Variants in ZNF16 observed in about 807,000 individuals in gnomAD.
ZNF16 encodes zinc finger protein 16, also known as zinc finger protein KOX9.
In ZNF16, 7 loss-of-function variants were observed where a neutral mutation model predicts 9.0. The ratio of observed to expected loss-of-function variants is 0.78; its 90% CI spans 0.44 to 1.47. The LOEUF is 1.47. ZNF16 is among the 40% of genes most tolerant of loss of function. ZNF16 has a pLI of 0.01. For missense variants in ZNF16, 830 were observed against 854.2 expected, an observed-to-expected ratio of 0.97 and a Z score of 0.35; for synonymous variants, 312 against 301.5, an observed-to-expected ratio of 1.03 and a Z score of -0.36.
At chr8:144,938,529 G>C (rs1833734252) in intron 2 of ZNF16, among the ~76,000 whole-genome samples, 1 of 152,114 alleles carries the variant, frequency 6.6e-6, no homozygotes, top group Non-Finnish European at 1.5e-5. Flanking sequence ...TATTGTATAT[G>C]GAATTCCTTC....
chr8:144,949,310 C>T (rs1305222664), intron 1 of ZNF16, among the ~76,000 whole-genome samples: 1 of 152,244 alleles, frequency 6.6e-6, no homozygotes, highest in Non-Finnish European at 1.5e-5. Flanking sequence ...CCAGGCAGGA[C>T]ATCTGAGGCT....
chr8:144,933,241 C>G lies in ZNF16; in HGVS notation c.197-651G>C, dbSNP rs1833600514. ...TGCATGGAGGCATCATTCAACCACT[C>G]CTGTGCGGCAGGGACCTGTGTGGAA... On this transcript the variant is annotated intron_variant, in intron 2 of 2. Coordinates refer to ENST00000394909, the MANE Select transcript of ZNF16 (RefSeq NM_006958.3). The surrounding 1 kb of genome is among the most constrained non-coding windows in gnomAD (Gnocchi z 5.6). Among the ~76,000 whole-genome samples, 1 of 152,150 alleles carries G rather than the reference C, an allele frequency of 6.6e-6. No homozygotes were observed. Among genetic ancestry groups the G allele is most frequent in the Non-Finnish European group, 1.5e-5 (1 of 68,026 alleles).
chr8:144,940,280 C>T (rs1430582412), intron 2 of ZNF16, among the ~76,000 whole-genome samples: 1 of 152,090 alleles, frequency 6.6e-6, no homozygotes, highest in Non-Finnish European at 1.5e-5. Context: ...GGGTCTCAAC[C>T]ATGTTGCCCA....
In ZNF16 at chr8:144,932,465, C is replaced by G. The variant is rs1310603797; in HGVS notation, c.322G>C (p.Asp108His). The change falls in exon 3 of 3, where the codon GAT becomes CAT. Residue 108 changes from aspartate (D) to histidine (H), a missense_variant. Coordinates refer to ENST00000394909, the MANE Select transcript of ZNF16 (RefSeq NM_006958.3). The surrounding 1 kb of genome is among the most constrained non-coding windows in gnomAD (Gnocchi z 5.0). ...GDVSQVPELG[D>H]LCDDVSERDW... ...CTTTCTGATACATCATCACACAGAT[C>G]TCCAAGCTCGGGTACCTGGGAAACA... 1 of 1,614,232 alleles carries G rather than the reference C, an allele frequency of 6.2e-7. No individual in the cohort carries two copies. The highest frequency in any genetic ancestry group is 2.2e-5 in the East Asian group (1 of 44,880).
rs79623299 is a variant in ZNF16 at position 144,941,459 on chromosome 8, G to T, written c.196+4552C>A. On this transcript the variant is annotated intron_variant, in intron 2 of 2. Coordinates refer to ENST00000394909, the MANE Select transcript of ZNF16 (RefSeq NM_006958.3). ...CTAAAGCCTCTTGTGGCATATAGTT[G>T]GACCATGTTTTCTTACACATTCTGT... Among the ~76,000 whole-genome samples, 102 of 152,106 alleles carry T rather than the reference G, an allele frequency of 6.7e-4. No individual in the cohort carries two copies. The East Asian group carries it at 0.014, about 21-fold the overall frequency.
rs973870952 is a variant in ZNF16, at chr8:144,949,697, G to A, written c.-10+1100C>T. ...CAAAATGTTTACAAGCAGATGCTTG[G>A]TAAAAGTCATCGCCATTCTCCAGTC... On this transcript the variant is annotated intron_variant, in intron 1 of 2. Transcript: ENST00000394909. Among the ~76,000 whole-genome samples the A allele has an allele frequency of 5.3e-5, 8 of 152,206 alleles. No homozygotes were observed. The South Asian group carries it at 6.2e-4, about 12-fold the overall frequency.
At chr8:144,934,509 C>G (rs1424999511) in intron 2 of ZNF16, among the ~76,000 whole-genome samples, 1 of 152,232 alleles carries the variant, frequency 6.6e-6, no homozygotes, top group Non-Finnish European at 1.5e-5. Flanking sequence ...AGCCCTGGCT[C>G]CAGAGGGTGT....
intron 2 of ZNF16, among the ~76,000 whole-genome samples, chr8:144,935,008 CA>C (rs1344549475): frequency 6.6e-6 from 1 of 151,848 alleles, no homozygotes; most frequent in African/African-American, 2.4e-5. Context: ...TAGCCCGAGC[CA>C]CTGTTTAGAT....
At chr8:144,949,246 C>G (rs1834032494) in intron 1 of ZNF16, among the ~76,000 whole-genome samples, 1 of 152,258 alleles carries the variant, frequency 6.6e-6, no homozygotes, top group African/African-American at 2.4e-5. Flanking sequence ...ACTCTCCTCC[C>G]TTCCCAGAGT....
intron 2 of ZNF16, among the ~76,000 whole-genome samples, chr8:144,942,670 G>A (rs1833833676): frequency 6.6e-6 from 1 of 152,286 alleles, no homozygotes; most frequent in South Asian, 2.1e-4. Flanking sequence ...TACCAGTTTA[G>A]TCTCAGTAAC....
At position 144,932,253 on chromosome 8, in the gene ZNF16, C is replaced by T; in HGVS notation, c.534G>A (p.Glu178=). Residue 178 remains glutamate, a synonymous_variant, in exon 3 of 3, where the codon GAG becomes GAA. Transcript: ENST00000394909. The surrounding 1 kb of genome is among the most constrained non-coding windows in gnomAD (Gnocchi z 5.0). ...CACCCATGTCATATGGATGTGGCCT[C>T]TCTTCTGTAGGGATTTCCTGACATG... is the stretch of plus-strand genomic sequence containing the variant. ...LMACQEIPTE[E]RPHPYDMGGQ... The T allele has an allele frequency of 6.2e-7, 1 of 1,614,180 alleles. No homozygotes were observed.
At position 144,931,557 on chromosome 8, in the gene ZNF16, A is replaced by G; in HGVS notation, c.1230T>C (p.Cys410=). 1 of 1,614,032 alleles carries G rather than the reference A, an allele frequency of 6.2e-7. No homozygotes were observed. The change falls in exon 3 of 3, where the codon TGT becomes TGC. Residue 410 remains cysteine, a synonymous_variant. Transcript: ENST00000394909. ...TGEKPYECND[C]GKPFSRVSNL... is the part of the protein sequence containing the mutation. ...TGGAGACCCGACTGAAGGGCTTGCC[A>G]CAATCATTACACTCATAAGGCTTCT...
rs1487976776 is a variant in ZNF16 at position 144,946,067 on chromosome 8, G to A, written c.140C>T (p.Thr47Ile). 9.3e-6 allele frequency: 15 copies of A among 1,613,460 alleles called. No homozygotes were observed. Among genetic ancestry groups the A allele is most frequent in the Non-Finnish European group, 1.2e-5 (14 of 1,179,660 alleles). Residue 47 changes from threonine to isoleucine, a missense_variant, in exon 2 of 3, where the codon ACC (threonine) becomes ATC (isoleucine). Transcript: ENST00000394909. ...VTHPGSAACG[T>I]PCCSDTELEA... ...CAGCTCAGTATCACTACAGCAGGGG[G>A]TACCACAGGCTGCAGATCCAGGGTG...
chr8:144,946,762 C>CCCTGCTGTGGGCCTGTGT (rs1325563842), intron 1 of ZNF16, among the ~76,000 whole-genome samples: 14 of 75,880 alleles, frequency 1.8e-4, no homozygotes, highest in Admixed American at 3.9e-4. Context: ...TGGGCCTGTA[C>CCCTGCTGTGGGCCTGTGT]CCTGCTGTGG....
At chr8:144,950,650 C>G (rs1834092736) in intron 1 of ZNF16, 147 bp downstream of exon 1, 1 of 129,554 alleles carries the variant, frequency 7.7e-6, no homozygotes, top group African/African-American at 2.8e-5. Context: ...GCTCCCACAA[C>G]CCCCCGCGCG....
At chr8:144,939,870 CTT>C (rs1412013062) in intron 2 of ZNF16, among the ~76,000 whole-genome samples, 1 of 152,050 alleles carries the variant, frequency 6.6e-6, no homozygotes, top group South Asian at 2.1e-4. Context: ...TTATTTGTGT[CTT>C]TTTTATTTAA....
intron 1 of ZNF16, among the ~76,000 whole-genome samples, chr8:144,948,926 T>G (rs1399824740): frequency 1.3e-5 from 2 of 152,240 alleles, no homozygotes; most frequent in African/African-American, 4.8e-5. Context: ...ATTACCCTGG[T>G]GGACCCAATC....
intron 2 of ZNF16, among the ~76,000 whole-genome samples, chr8:144,941,976 A>ATTTT (rs1000299480): frequency 3.9e-4 from 36 of 92,052 alleles, no homozygotes; most frequent in Admixed American, 6.1e-4. Context: ...CATTTTTAAG[A>ATTTT]TTTTTTTTTT....
At chr8:144,948,250 T>C (rs3808375) in intron 1 of ZNF16, 55,002 of 152,112 alleles carry the variant, frequency 0.36, 11,489 homozygotes, top group African/African-American at 0.59. Flanking sequence ...GGTGAAACAC[T>C]GGCCACATTT....
Sources: allele counts gnomAD v4.1 joint callset (sites outside exome capture counted in the v4.1 genomes callset), GRCh38; gene constraint gnomAD v4.1.1; non-coding constraint Gnocchi (gnomAD v3.1); transcripts MANE v1.5; gene names NCBI Gene and HGNC (gene_info 2026-07-23, HGNC 2026-07-21).